EEA1: variants seen among roughly 807,000 people sequenced by gnomAD.
EEA1 encodes early endosome antigen 1.
A neutral mutation model predicts 209.2 loss-of-function variants in EEA1; 111 were observed. The ratio of observed to expected loss-of-function variants is 0.53; its 90% CI spans 0.45 to 0.62. The LOEUF (loss-of-function observed/expected upper bound fraction) is 0.62. Ranked by LOEUF, EEA1 falls within the 20% of genes least tolerant of loss-of-function variation. EEA1 has a pLI of 0.00. For missense variants in EEA1, 1,343 were observed against 1,530.8 expected, an observed-to-expected ratio of 0.88 and a Z score of 2.05; for synonymous variants, 536 against 540.6, an observed-to-expected ratio of 0.99 and a Z score of 0.12.
intron 20 of EEA1, among the ~76,000 whole-genome samples, chr12:92,801,328 T>G (rs968219536): frequency 2.0e-5 from 3 of 152,044 alleles, no homozygotes. Context: ...TATTTCTTTA[T>G]TTGGGTCTTT....
At chr12:92,821,881 A>G (rs927467926) in intron 13 of EEA1, among the ~76,000 whole-genome samples, 7 of 150,016 alleles carry the variant, frequency 4.7e-5, no homozygotes, top group African/African-American at 1.7e-4. Context: ...ATATAAATCT[A>G]TATTATTATA....
intron 15 of EEA1, among the ~76,000 whole-genome samples, chr12:92,814,660 T>A (rs930919564): frequency 3.3e-5 from 5 of 152,194 alleles, no homozygotes; most frequent in Non-Finnish European, 7.3e-5. Context: ...GCCCTTTTTA[T>A]AGGCAATGAC....
At chr12:92,853,386 G>A (rs890132385) in intron 6 of EEA1, among the ~76,000 whole-genome samples, 3 of 151,714 alleles carry the variant, frequency 2.0e-5, no homozygotes, top group African/African-American at 4.8e-5. Flanking sequence ...GCTATGTTAC[G>A]GAGGCTGATC....
In EEA1 at chr12:92,777,937, T is replaced by C. The variant is rs1873731522; in HGVS notation, c.3893+4A>G. ...ATAAACTAATTTTACTAGATATCAATCACCTTTCCAGTAGTGCTCTCCTTT... is the reference window on the plus strand; with the variant it reads ...ATAAACTAATTTTACTAGATATCAACCACCTTTCCAGTAGTGCTCTCCTTT... On this transcript the variant is annotated splice_donor_region_variant and intron_variant, in intron 26 of 28. Transcript: ENST00000322349. 1 of 1,606,390 alleles carries C rather than the reference T, an allele frequency of 6.2e-7. No individual in the cohort carries two copies. Among genetic ancestry groups the C allele is most frequent in the South Asian group, 1.1e-5 (1 of 90,622 alleles).
Position 92,811,378 on chromosome 12 carries a change from C to T in EEA1, c.2100G>A (p.Lys700=), listed in dbSNP as rs768591280. ...TTTCCAGCTGACTGCAATGTTCTTG[C>T]TTGTCTTGTAACTTTGCAGTGACCT... The part of the protein sequence containing the change: ...LDQVTAKLQD[K]QEHCSQLESH... The change falls in exon 17 of 29, where the codon AAG becomes AAA. Residue 700 remains lysine (K), a synonymous_variant. Coordinates refer to ENST00000322349, the MANE Select transcript of EEA1 (RefSeq NM_003566.4). 7 of 1,604,976 alleles carry T rather than the reference C, an allele frequency of 4.4e-6. No homozygotes were observed. The highest frequency in any genetic ancestry group is 2.3e-5 in the East Asian group (1 of 44,212).
rs1330849991 is a variant in EEA1, at chr12:92,774,600, A to G, written c.*1411T>C. 1 of 151,692 alleles carries G rather than the reference A, an allele frequency of 6.6e-6. No homozygotes were observed. Among genetic ancestry groups the G allele is most frequent in the Non-Finnish European group, 1.5e-5 (1 of 67,638 alleles). 9.4% of individuals were successfully genotyped at this position (151,692 alleles called of 1,614,324 possible). A position where few individuals can be genotyped will look rare whatever the true frequency, so the allele number is the denominator to read the frequency against. ...AAATTAATAAGACTATGCTAAATTA[A>G]AGTTCGATTCCATTGTTCAGCATAC... On this transcript the variant is annotated 3_prime_UTR_variant, in exon 29 of 29. Transcript: ENST00000322349.
intron 1 of EEA1, among the ~76,000 whole-genome samples, chr12:92,924,946 T>G (rs905766969): frequency 1.1e-4 from 16 of 151,526 alleles, no homozygotes; most frequent in African/African-American, 3.6e-4. Context: ...TTCATCAAAC[T>G]TAGATGGGCA....
intron 2 of EEA1, among the ~76,000 whole-genome samples, chr12:92,889,428 A>C (rs193125559): frequency 1.3e-5 from 2 of 152,040 alleles, no homozygotes; most frequent in Non-Finnish European, 2.9e-5. Flanking sequence ...GGACAAAGAG[A>C]AAGTACATAA....
At chr12:92,902,257 G>T (rs1239682276) in intron 1 of EEA1, among the ~76,000 whole-genome samples, 2 of 151,952 alleles carry the variant, frequency 1.3e-5, no homozygotes, top group Non-Finnish European at 2.9e-5. Flanking sequence ...GGTACACAAT[G>T]GACCAAAAAT....
intron 13 of EEA1, among the ~76,000 whole-genome samples, chr12:92,820,669 G>C (rs2136682360): frequency 6.6e-6 from 1 of 152,028 alleles, no homozygotes; most frequent in East Asian, 1.9e-4. Context: ...CTAGACGACA[G>C]GTTGATGGAT....
intron 9 of EEA1, among the ~76,000 whole-genome samples, chr12:92,844,444 C>A (rs1877307131): frequency 6.6e-6 from 1 of 152,136 alleles, no homozygotes; most frequent in South Asian, 2.1e-4. Context: ...TCATATGTAA[C>A]AGCTGATATG....
intron 1 of EEA1, among the ~76,000 whole-genome samples, chr12:92,912,626 T>A (rs1880618932): frequency 1.3e-5 from 2 of 152,218 alleles, no homozygotes; most frequent in Admixed American, 1.3e-4. Flanking sequence ...TATTGTATAG[T>A]GGTGAAGTCT....
chr12:92,790,364 G>A (rs539741437), intron 21 of EEA1, among the ~76,000 whole-genome samples: 4 of 152,118 alleles, frequency 2.6e-5, no homozygotes, highest in Non-Finnish European at 4.4e-5. Context: ...CGAACCCATC[G>A]CAAGGAAGCT....
chr12:92,842,755 A>G (rs1009911249), intron 9 of EEA1, among the ~76,000 whole-genome samples, 174 bp from the exon 10 acceptor site: 1 of 152,176 alleles, frequency 6.6e-6, no homozygotes, highest in East Asian at 1.9e-4. Context: ...GCTTACGACA[A>G]ATTTTTACAA....
Position 92,811,362 on chromosome 12 carries a change from G to T in EEA1, c.2116C>A (p.Gln706Lys). 6.2e-7 allele frequency: 1 copy of T among 1,606,804 alleles called. No individual in the cohort carries two copies. ...TATTCTTTAAGATGACTTTCCAGCT[G>T]ACTGCAATGTTCTTGCTTGTCTTGT... The part of the protein sequence containing the change: ...KLQDKQEHCS[Q>K]LESHLKEYKE... Residue 706 changes from glutamine to lysine, a missense_variant, in exon 17 of 29, where the codon CAG becomes AAG. By Grantham distance (53) the Gln-to-Lys change is moderately conservative. Coordinates refer to ENST00000322349, the MANE Select transcript of EEA1 (RefSeq NM_003566.4).
chr12:92,906,938 T>C (rs998779582), intron 1 of EEA1, among the ~76,000 whole-genome samples: 7 of 152,234 alleles, frequency 4.6e-5, no homozygotes, highest in African/African-American at 1.4e-4. Flanking sequence ...AGCCATTTAC[T>C]ATATGCAGAC....
At chr12:92,803,719 G>A (rs964648211) in intron 18 of EEA1, among the ~76,000 whole-genome samples, 8 of 151,880 alleles carry the variant, frequency 5.3e-5, no homozygotes, top group South Asian at 2.1e-4. Context: ...AAAAATAGCT[G>A]GAAAAGATGT....
At chr12:92,899,092 AAAGATG>A (rs1437855353) in intron 1 of EEA1, among the ~76,000 whole-genome samples, 2 of 150,780 alleles carry the variant, frequency 1.3e-5, no homozygotes, top group East Asian at 3.9e-4. Flanking sequence ...ATAAAGTACT[AAAGATG>A]AAGAATGCAA....
rs1873483780 is a variant in EEA1 at position 92,772,737 on chromosome 12, AAC to A, written c.*3272_*3273del. 1 of 152,266 alleles carries A rather than the reference AAC, an allele frequency of 6.6e-6. No homozygotes were observed. The highest frequency in any genetic ancestry group is 2.4e-5 in the African/African-American group (1 of 41,420). 9.4% of individuals were successfully genotyped at this position (152,266 alleles called of 1,614,324 possible). A position where few individuals can be genotyped will look rare whatever the true frequency, so the allele number is the denominator to read the frequency against. Reference sequence around the variant, plus strand: ...CACAACTACATGATCACAAGTAGTAAACACAATACAAATAATGAACCCAAAAA... The same window carrying A: ...CACAACTACATGATCACAAGTAGTAAACAATACAAATAATGAACCCAAAAA... On this transcript the variant is annotated 3_prime_UTR_variant, in exon 29 of 29. Coordinates refer to ENST00000322349, the MANE Select transcript of EEA1 (RefSeq NM_003566.4).
Sources: gnomAD v4.1 joint callset for allele counts (sites outside exome capture counted in the v4.1 genomes callset) on GRCh38, gnomAD v4.1.1 for gene constraint, MANE v1.5 for transcripts, NCBI Gene and HGNC (gene_info 2026-07-23, HGNC 2026-07-21) for gene names.